Variants in OR2L13 observed in about 807,000 individuals in gnomAD.
The protein encoded by OR2L13 is olfactory receptor 2L13.
In OR2L13, 14 loss-of-function variants were observed where a neutral mutation model predicts 15.3. That is an observed-to-expected ratio of 0.91 (90% CI 0.60 to 1.43). The LOEUF is 1.43. Among genes scored for constraint, OR2L13 ranks in the 40% most tolerant of loss-of-function variants. The probability of loss-of-function intolerance (pLI) is 0.00; values close to 1 mark genes in which losing one functional copy is unlikely to be tolerated. For synonymous variants in OR2L13, 152 were observed against 142.9 expected (o/e 1.06, Z -0.45); for missense variants, 367 against 387.9 (o/e 0.95, Z 0.45).
At chr1:247,961,760 G>T in the OR2L13 span, among the ~76,000 whole-genome samples, 1 of 152,134 alleles carries the variant, frequency 6.6e-6, no homozygotes, top group African/African-American at 2.4e-5. Flanking sequence ...TTTCCAGACG[G>T]TGTTTAAATA....
chr1:248,072,558 T>C, the OR2L13 span, among the ~76,000 whole-genome samples: 2 of 152,168 alleles, frequency 1.3e-5, no homozygotes, highest in South Asian at 4.1e-4. Flanking sequence ...ATTCAGGACA[T>C]AGGCATGGGC....
chr1:247,970,204 A>G, the OR2L13 span, among the ~76,000 whole-genome samples: 2 of 152,262 alleles, frequency 1.3e-5, no homozygotes. Context: ...TAATTTAATA[A>G]CTATTCCATT....
the OR2L13 span, among the ~76,000 whole-genome samples, chr1:247,959,880 G>T: frequency 6.6e-6 from 1 of 152,018 alleles, no homozygotes; most frequent in South Asian, 2.1e-4. Flanking sequence ...CTTTGCAATG[G>T]GTTCGAACTT....
At chr1:248,026,579 A>G in the OR2L13 span, among the ~76,000 whole-genome samples, 330 of 152,292 alleles carry the variant, frequency 2.2e-3, 2 homozygotes, top group African/African-American at 7.5e-3. Context: ...TCTCACTTAT[A>G]TATTGGTGTT....
the OR2L13 span, chr1:248,024,010 T>C: frequency 6.6e-6 from 1 of 152,048 alleles, no homozygotes; most frequent in Non-Finnish European, 1.5e-5. Context: ...GATCAGAAAA[T>C]ATATTTTTAT....
chr1:247,974,035 C>G, the OR2L13 span, among the ~76,000 whole-genome samples: 1 of 152,156 alleles, frequency 6.6e-6, no homozygotes, highest in Non-Finnish European at 1.5e-5. Flanking sequence ...ACCCAAATGC[C>G]CATCAATGAT....
chr1:247,970,743 A>C, the OR2L13 span, among the ~76,000 whole-genome samples: 2 of 152,198 alleles, frequency 1.3e-5, no homozygotes, highest in Non-Finnish European at 2.9e-5. Context: ...AACTTGTAGA[A>C]GAGTTACTCA....
the OR2L13 span, among the ~76,000 whole-genome samples, chr1:248,079,820 T>G: frequency 6.6e-6 from 1 of 152,332 alleles, no homozygotes; most frequent in African/African-American, 2.4e-5. Flanking sequence ...TAGGCCAAGA[T>G]TTCTTAAAGA....
chr1:248,041,606 C>G, the OR2L13 span: 4 of 152,094 alleles, frequency 2.6e-5, no homozygotes, highest in Non-Finnish European at 5.9e-5. Context: ...TTGCAACCTA[C>G]TCATCTGACA....
chr1:248,022,305 G>A, the OR2L13 span: 14 of 1,614,080 alleles, frequency 8.7e-6, no homozygotes, highest in Middle Eastern at 3.3e-4. Context: ...AATGGCCTAT[G>A]ATCGTTATGT....
At chr1:248,086,370 C>G in the OR2L13 span, among the ~76,000 whole-genome samples, 2 of 152,070 alleles carry the variant, frequency 1.3e-5, no homozygotes, top group African/African-American at 4.8e-5. Context: ...TAATTTGGAA[C>G]CATTGCTCTT....
chr1:248,099,893 T>C (rs2103203714), exon 3 of OR2L13: 1 of 1,614,184 alleles, frequency 6.2e-7, no homozygotes, highest in Non-Finnish European at 8.5e-7. Context: ...TCTAGGGCTA[T>C]TGACCATTTC....
the OR2L13 span, chr1:248,039,279 A>G: frequency 7.3e-7 from 1 of 1,360,812 alleles, no homozygotes; most frequent in Non-Finnish European, 1.0e-6. Context: ...GAAGAAAAAC[A>G]TTATTACATG....
At position 248,100,073 on chromosome 1, in the gene OR2L13, GA is replaced by G. The variant is rs1449128031; in HGVS notation, c.704del (p.Lys235ArgfsTer10). ...TATCATATGCACTCAAAGGAGGGGA[GA>G]AAAAAGGCCTTCACCACCATTTCAA... On this transcript the variant is annotated frameshift_variant, in exon 3 of 3. Transcript: ENST00000641714. LOFTEE classifies it high-confidence loss of function. The G allele has an allele frequency of 6.2e-7, 1 of 1,613,852 alleles. No homozygotes were observed. Among genetic ancestry groups the G allele is most frequent in the East Asian group, 2.2e-5 (1 of 44,876 alleles).
the OR2L13 span, among the ~76,000 whole-genome samples, chr1:248,004,266 A>C: frequency 6.6e-6 from 1 of 152,250 alleles, no homozygotes; most frequent in African/African-American, 2.4e-5. Flanking sequence ...CATGGCATTT[A>C]TCCCATAAAT....
upstream of OR2L13, among the ~76,000 whole-genome samples, chr1:248,095,606 G>GTTTTTTTTTTTTT (rs1476154907): frequency 1.5e-3 from 10 of 6,628 alleles, no homozygotes; most frequent in South Asian, 0.012. Flanking sequence ...TAAAGCTGCT[G>GTTTTTTTTTTTTT]CTTTTTTTTT....
chr1:247,987,050 T>C, the OR2L13 span, among the ~76,000 whole-genome samples: 2 of 152,278 alleles, frequency 1.3e-5, no homozygotes, highest in East Asian at 3.9e-4. Flanking sequence ...GTGTTTCATT[T>C]TTTTTGATAC....
At chr1:247,966,511 C>T in the OR2L13 span, 2 of 596,914 alleles carry the variant, frequency 3.4e-6, no homozygotes, top group Non-Finnish European at 5.6e-6. Context: ...AATGCTTTTA[C>T]TTGCCCTCTT....
the OR2L13 span, chr1:248,061,115 C>T: frequency 6.2e-7 from 1 of 1,613,884 alleles, no homozygotes; most frequent in Non-Finnish European, 8.5e-7. Context: ...CTGATGATAA[C>T]AGGGTCTTGG....
Sources: gnomAD v4.1 joint callset for allele counts (sites outside exome capture counted in the v4.1 genomes callset) on GRCh38, gnomAD v4.1.1 for gene constraint, MANE v1.5 for transcripts, NCBI Gene and HGNC (gene_info 2026-07-23, HGNC 2026-07-21) for gene names.